Variants in GRAMD4 observed in about 807,000 individuals in gnomAD.
The protein encoded by GRAMD4 is GRAM domain-containing protein 4.
A neutral mutation model predicts 83.9 loss-of-function variants in GRAMD4; 25 were observed. The observed-to-expected ratio is 0.30, with a 90% CI of 0.22 to 0.42. GRAMD4 has a LOEUF of 0.42. GRAMD4 is among the 10% of genes least tolerant of loss of function. The probability of loss-of-function intolerance (pLI) is 1.00; values close to 1 mark genes in which losing one functional copy is unlikely to be tolerated. For missense variants in GRAMD4, 593 were observed against 788.7 expected (o/e 0.75, Z 2.97); for synonymous variants, 336 against 320.9 (o/e 1.05, Z -0.50).
In GRAMD4 at chr22:46,643,327, G is replaced by A. The variant is rs368142049; in HGVS notation, c.283+5367G>A. Reference sequence around the variant, plus strand: ...TCCATCCATCCATCCATCCATCCATGCATCTATCCATCCATCCATCCATCC... The same window carrying A: ...TCCATCCATCCATCCATCCATCCATACATCTATCCATCCATCCATCCATCC... On this transcript the variant is annotated intron_variant, in intron 3 of 18. Coordinates refer to ENST00000406902, the MANE Select transcript of GRAMD4 (RefSeq NM_015124.5). Among the ~76,000 whole-genome samples, 20 of 22,352 alleles carry A rather than the reference G, an allele frequency of 8.9e-4. No individual in the cohort carries two copies. In the South Asian group the frequency reaches 0.022, roughly 24 times the overall value. The allele number at this position is 22,352 out of a possible 152,430, so 14.7% of individuals were successfully genotyped here.
intron 1 of GRAMD4, among the ~76,000 whole-genome samples, chr22:46,605,560 C>T (rs374540726): frequency 8.5e-5 from 13 of 152,260 alleles, no homozygotes; most frequent in African/African-American, 3.1e-4. Flanking sequence ...CATTTTATAC[C>T]CCACAAACAG....
At chr22:46,584,281 C>T (rs1234917090) in intron 1 of GRAMD4, among the ~76,000 whole-genome samples, 7 of 152,050 alleles carry the variant, frequency 4.6e-5, no homozygotes, top group Admixed American at 1.3e-4. Flanking sequence ...GTGGCGGGTA[C>T]GCTCATCACT....
intron 2 of GRAMD4, among the ~76,000 whole-genome samples, chr22:46,628,695 G>C (rs1461344966): frequency 6.6e-6 from 1 of 152,102 alleles, no homozygotes; most frequent in East Asian, 1.9e-4. Flanking sequence ...TGCAGGTATT[G>C]GTCTGGTTGG....
chr22:46,649,270 AG>A (rs1217346182), intron 3 of GRAMD4, among the ~76,000 whole-genome samples: 4 of 152,118 alleles, frequency 2.6e-5, no homozygotes, highest in Non-Finnish European at 5.9e-5. Flanking sequence ...TGCTGTGGGA[AG>A]GGACTGGGGG....
intron 1 of GRAMD4, among the ~76,000 whole-genome samples, chr22:46,601,036 C>T (rs1004502194): frequency 3.3e-5 from 5 of 151,960 alleles, no homozygotes; most frequent in East Asian, 1.9e-4. Context: ...CCCAGCTACT[C>T]GGGAGACTGG....
At chr22:46,597,489 A>G (rs77792731) in intron 1 of GRAMD4, among the ~76,000 whole-genome samples, 13,143 of 151,778 alleles carry the variant, frequency 0.087, 706 homozygotes, top group East Asian at 0.27. Flanking sequence ...CTATCTATCT[A>G]TTTATTTATT....
chr22:46,667,710 G>A (rs1279191366), intron 10 of GRAMD4, among the ~76,000 whole-genome samples: 1 of 152,248 alleles, frequency 6.6e-6, no homozygotes, highest in Non-Finnish European at 1.5e-5. Flanking sequence ...CCAGCACTGG[G>A]ACCCAGGAGA....
At chr22:46,617,186 G>A (rs564384641), upstream of GRAMD4, among the ~76,000 whole-genome samples, 1 of 144,222 alleles carries the variant, frequency 6.9e-6, no homozygotes, top group African/African-American at 2.6e-5. Flanking sequence ...GTGCGTGTAG[G>A]TTCCTCCGTG....
chr22:46,633,981 C>T (rs777062060), intron 2 of GRAMD4, among the ~76,000 whole-genome samples: 1 of 152,226 alleles, frequency 6.6e-6, no homozygotes, highest in Non-Finnish European at 1.5e-5. Context: ...ACTCCTGGGC[C>T]ACCCTCAGGC....
chr22:46,667,966 T>A, intron 10 of GRAMD4, 130 bp from the exon 11 acceptor site: 1 of 659,186 alleles, frequency 1.5e-6, no homozygotes, highest in East Asian at 2.7e-5. Context: ...CCCCAAGGGA[T>A]GTCCCATCCC....
intron 1 of GRAMD4, among the ~76,000 whole-genome samples, chr22:46,607,193 G>A (rs1036662248): frequency 1.7e-5 from 1 of 59,680 alleles, no homozygotes; most frequent in Non-Finnish European, 3.8e-5. Context: ...CAGTTCCCTC[G>A]TGTCTTTAAA....
intron 2 of GRAMD4, among the ~76,000 whole-genome samples, chr22:46,635,799 A>G (rs113935753): frequency 0.023 from 511 of 22,114 alleles, 28 homozygotes; most frequent in East Asian, 0.17. Flanking sequence ...CCTGCCCCCC[A>G]CCCCCCCGGC....
At chr22:46,591,989 G>A (rs912557573) in intron 1 of GRAMD4, among the ~76,000 whole-genome samples, 3 of 150,260 alleles carry the variant, frequency 2.0e-5, no homozygotes, top group Non-Finnish European at 3.0e-5. Flanking sequence ...TCCTGTGCCT[G>A]CAGGCTTGAC....
rs1355024383 is a variant in GRAMD4 at position 46,635,453 on chromosome 22, A to G, written c.163-2387A>G. ...CGCCCCCGGCCACTCCTGTCCTGGG[A>G]GGCCGTGTCCTCCCTGCCCCCACCC... is the stretch of plus-strand genomic sequence containing the variant. On this transcript the variant is annotated intron_variant, in intron 2 of 18. Coordinates refer to ENST00000406902, the MANE Select transcript of GRAMD4 (RefSeq NM_015124.5). Among the ~76,000 whole-genome samples the G allele has an allele frequency of 5.2e-3, 91 of 17,358 alleles. No individual in the cohort carries two copies. In the East Asian group the frequency reaches 0.056, roughly 11 times the overall value. The allele number at this position is 17,358 out of a possible 152,430, so 11.4% of individuals were successfully genotyped here.
intron 1 of GRAMD4, among the ~76,000 whole-genome samples, chr22:46,597,868 A>C (rs1357401593): frequency 1.3e-5 from 2 of 152,144 alleles, no homozygotes; most frequent in Non-Finnish European, 2.9e-5. Context: ...TTTAGGTGAC[A>C]CGTTGGTTTT....
chr22:46,625,459 C>T (rs1340143900), intron 1 of GRAMD4, among the ~76,000 whole-genome samples: 13 of 152,254 alleles, frequency 8.5e-5, no homozygotes, highest in African/African-American at 2.4e-5. Flanking sequence ...GAAATACCCC[C>T]GCCAGGGATC....
intron 11 of GRAMD4, 84 bp from the exon 12 acceptor site, chr22:46,668,605 G>A (rs944617021): frequency 1.8e-5 from 23 of 1,306,040 alleles, no homozygotes; most frequent in Non-Finnish European, 2.2e-5. Flanking sequence ...AGGGCTGCCC[G>A]ACCTGGAGGC....
chr22:46,589,344 T>C (rs1312553597), intron 1 of GRAMD4, among the ~76,000 whole-genome samples: 3 of 82,882 alleles, frequency 3.6e-5, no homozygotes, highest in African/African-American at 1.4e-4. Context: ...TGGGGGCAGC[T>C]CTGATATGTG....
At chr22:46,603,402 G>A (rs898862331) in intron 1 of GRAMD4, among the ~76,000 whole-genome samples, 1 of 150,298 alleles carries the variant, frequency 6.7e-6, no homozygotes, top group African/African-American at 2.5e-5. Context: ...GTAGAGACGC[G>A]GTTTCACCGT....
Sources: allele counts gnomAD v4.1 joint callset (sites outside exome capture counted in the v4.1 genomes callset), GRCh38; gene constraint gnomAD v4.1.1; transcripts MANE v1.5; gene names NCBI Gene and HGNC (gene_info 2026-07-23, HGNC 2026-07-21).